Variants in RAD51B observed in about 807,000 individuals in gnomAD.
RAD51B encodes RAD51 paralog B.
In RAD51B, 38 loss-of-function variants were observed where a neutral mutation model predicts 42.2. The observed-to-expected ratio is 0.90, with a 90% CI of 0.70 to 1.18. RAD51B has a LOEUF of 1.18. Among genes scored for constraint, RAD51B ranks in the 50% most tolerant of loss-of-function variants. The pLI is 0.00. For missense variants in RAD51B, 373 were observed against 400.7 expected (o/e 0.93, Z 0.59); for synonymous variants, 154 against 145.2 (o/e 1.06, Z -0.43).
chr14:67,944,201 ATTTTT>A (rs370785745), intron 7 of RAD51B, among the ~76,000 whole-genome samples: 8 of 130,084 alleles, frequency 6.1e-5, no homozygotes, highest in Admixed American at 1.5e-4. Flanking sequence ...AGAAGTAAAG[ATTTTT>A]TTTTTTTTTT....
intron 7 of RAD51B, among the ~76,000 whole-genome samples, chr14:68,079,617 CTTTA>C (rs2076883576): frequency 6.6e-6 from 1 of 152,062 alleles, no homozygotes; most frequent in African/African-American, 2.4e-5. Flanking sequence ...AAATCTAAAT[CTTTA>C]TGTTGGTTTT....
At chr14:68,029,238 G>C (rs952194521) in intron 7 of RAD51B, among the ~76,000 whole-genome samples, 6 of 152,106 alleles carry the variant, frequency 3.9e-5, no homozygotes, top group Non-Finnish European at 8.8e-5. Context: ...TTGAAATTTT[G>C]GTCTCTCTTG....
At chr14:68,637,268 G>A (rs998815893) in intron 10 of RAD51B, among the ~76,000 whole-genome samples, 1 of 151,962 alleles carries the variant, frequency 6.6e-6, no homozygotes, top group Non-Finnish European at 1.5e-5. Flanking sequence ...GTGTAGAGAT[G>A]GGCTCTTGCT....
In RAD51B at chr14:68,471,674, C is replaced by T. The variant is rs185396963; in HGVS notation, c.1036+3424C>T. Among the ~76,000 whole-genome samples, 319 of 138,752 alleles carry T rather than the reference C, an allele frequency of 2.3e-3. 2 individuals are homozygous for T. Among genetic ancestry groups the T allele is most frequent in the African/African-American group, 8.1e-3 (302 of 37,426 alleles). The allele number at this position is 138,752 out of a possible 152,430, so 91.0% of individuals were successfully genotyped here. A position where few individuals can be genotyped will look rare whatever the true frequency, so the allele number is the denominator to read the frequency against. The stretch of plus-strand genomic sequence containing the variant: ...GCTATTGTTGTAGTAAAATAGAAAG[C>T]GGAACTATTCTCCTTTTGCAAAAAA... On this transcript the variant is annotated intron_variant, in intron 10 of 10. Coordinates refer to ENST00000471583, the MANE Select transcript of RAD51B (RefSeq NM_133510.4).
At chr14:68,266,563 T>C (rs917080627) in intron 7 of RAD51B, among the ~76,000 whole-genome samples, 2 of 152,254 alleles carry the variant, frequency 1.3e-5, no homozygotes, top group African/African-American at 4.8e-5. Context: ...CAATGTCCTT[T>C]AGCTTAAAAT....
At chr14:68,562,062 T>C (rs2842325) in intron 10 of RAD51B, 252,672 of 985,214 alleles carry the variant, frequency 0.26, 33,273 homozygotes, top group South Asian at 0.32. Flanking sequence ...ACCACATGAA[T>C]AATTTGGAGA....
intron 7 of RAD51B, among the ~76,000 whole-genome samples, chr14:67,956,528 G>A (rs2074551325): frequency 6.6e-6 from 1 of 152,138 alleles, no homozygotes; most frequent in African/African-American, 2.4e-5. Context: ...AAAATGTTAT[G>A]TGTCTACTAT....
chr14:68,571,663 T>C (rs973896417), intron 10 of RAD51B, among the ~76,000 whole-genome samples: 2 of 152,232 alleles, frequency 1.3e-5, no homozygotes, highest in Non-Finnish European at 2.9e-5. Flanking sequence ...CCCTTTTTCC[T>C]GTCAGGGAAC....
At chr14:68,396,961 C>T (rs768896345) in intron 8 of RAD51B, among the ~76,000 whole-genome samples, 2 of 152,156 alleles carry the variant, frequency 1.3e-5, no homozygotes, top group Non-Finnish European at 2.9e-5. Context: ...GGGTTTAAAT[C>T]CTGACTCTGC....
intron 7 of RAD51B, among the ~76,000 whole-genome samples, chr14:68,225,078 A>T (rs918319155): frequency 6.6e-6 from 1 of 152,234 alleles, no homozygotes; most frequent in Non-Finnish European, 1.5e-5. Flanking sequence ...ATTTAGACAT[A>T]CAAGTGTGCA....
intron 10 of RAD51B, among the ~76,000 whole-genome samples, chr14:68,626,487 C>T (rs757805093): frequency 1.1e-4 from 17 of 152,302 alleles, no homozygotes; most frequent in Non-Finnish European, 2.1e-4. Flanking sequence ...GCAGTTGGAA[C>T]GGCTAGGGCT....
intron 7 of RAD51B, among the ~76,000 whole-genome samples, chr14:68,088,980 C>G (rs2077045858): frequency 6.6e-6 from 1 of 152,014 alleles, no homozygotes; most frequent in Non-Finnish European, 1.5e-5. Context: ...TTAGAAAGGA[C>G]AGAACTTTCA....
At chr14:68,270,165 A>G (rs556513057) in intron 7 of RAD51B, among the ~76,000 whole-genome samples, 3 of 152,326 alleles carry the variant, frequency 2.0e-5, no homozygotes, top group East Asian at 3.9e-4. Flanking sequence ...AGTTTGTTAC[A>G]TGCCCTGCGA....
chr14:67,976,121 G>A (rs1204771986), intron 7 of RAD51B, among the ~76,000 whole-genome samples: 2 of 148,908 alleles, frequency 1.3e-5, no homozygotes, highest in African/African-American at 5.0e-5. Context: ...TTTGGTTGTT[G>A]TTGTTTGTGT....
chr14:68,300,953 A>G (rs1012675138), intron 8 of RAD51B, among the ~76,000 whole-genome samples: 3 of 152,188 alleles, frequency 2.0e-5, no homozygotes, highest in Admixed American at 6.5e-5. Flanking sequence ...TGTTAGTTAC[A>G]TCCTTTTCAT....
intron 5 of RAD51B, among the ~76,000 whole-genome samples, chr14:67,866,897 A>G (rs2042349312): frequency 6.6e-6 from 1 of 152,208 alleles, no homozygotes; most frequent in African/African-American, 2.4e-5. Flanking sequence ...GTAATATTTT[A>G]GCTCCTTTGT....
chr14:68,653,248 G>A (rs947637755), intron 11 of RAD51B, among the ~76,000 whole-genome samples: 4 of 152,168 alleles, frequency 2.6e-5, no homozygotes, highest in Non-Finnish European at 4.4e-5. Context: ...AGCTACTCAG[G>A]AGGCTGAGAC....
chr14:68,317,229 T>C (rs1189715355), intron 8 of RAD51B, among the ~76,000 whole-genome samples: 1 of 152,096 alleles, frequency 6.6e-6, no homozygotes, highest in Non-Finnish European at 1.5e-5. Flanking sequence ...CATCAATTAA[T>C]GTTTCATGGT....
At chr14:67,995,619 T>C (rs979038084) in intron 7 of RAD51B, among the ~76,000 whole-genome samples, 5 of 151,380 alleles carry the variant, frequency 3.3e-5, no homozygotes, top group Non-Finnish European at 7.4e-5. Context: ...TTCTTTTTTT[T>C]TTTTTTTCTT....
Sources: allele counts gnomAD v4.1 joint callset (sites outside exome capture counted in the v4.1 genomes callset), GRCh38; gene constraint gnomAD v4.1.1; transcripts MANE v1.5; gene names NCBI Gene and HGNC (gene_info 2026-07-23, HGNC 2026-07-21).